Variants in ZHX2 observed in about 807,000 individuals in gnomAD.
The protein encoded by ZHX2 is zinc fingers and homeoboxes protein 2.
ZHX2 carries 6 observed loss-of-function variants against 21.9 expected under a neutral mutation model. The observed-to-expected ratio is 0.27, with a 90% CI of 0.15 to 0.54. The LOEUF (loss-of-function observed/expected upper bound fraction) is 0.54. ZHX2 is among the 20% of genes least tolerant of loss of function. ZHX2 has a pLI of 0.95. For synonymous variants in ZHX2, 434 were observed against 437.1 expected, an observed-to-expected ratio of 0.99 and a Z score of 0.09; for missense variants, 908 against 1,090.7, an observed-to-expected ratio of 0.83 and a Z score of 2.36.
rs202018625 is a variant in ZHX2, at chr8:122,882,302, AAC to A, written c.-220+18775_-220+18776del. On this transcript the variant is annotated intron_variant, in intron 2 of 3. Coordinates refer to ENST00000314393, the MANE Select transcript of ZHX2 (RefSeq NM_014943.5). ...TAGCCTCTACTTGCATTGTTCTTCA[AAC>A]ACACACACACAGAGAGAGAGAGAGA... Among the ~76,000 whole-genome samples, 544 of 150,864 alleles carry A rather than the reference AAC, an allele frequency of 3.6e-3. 2 individuals are homozygous for A. The highest frequency in any genetic ancestry group is 0.013 in the African/African-American group (517 of 40,688).
At chr8:122,856,862 C>A (rs566108230) in intron 1 of ZHX2, among the ~76,000 whole-genome samples, 2 of 152,132 alleles carry the variant, frequency 1.3e-5, no homozygotes, top group Non-Finnish European at 2.9e-5. Flanking sequence ...TTCCAGGAAC[C>A]GCAGACACAG....
intron 3 of ZHX2, among the ~76,000 whole-genome samples, chr8:122,955,677 C>T (rs1339399816): frequency 6.6e-6 from 1 of 152,016 alleles, no homozygotes; most frequent in South Asian, 2.1e-4. Flanking sequence ...GGTGTGGGCA[C>T]AACCCAAAGG....
intron 1 of ZHX2, among the ~76,000 whole-genome samples, chr8:122,822,645 C>G (rs549245514): frequency 1.3e-5 from 2 of 152,322 alleles, no homozygotes; most frequent in South Asian, 2.1e-4. Context: ...CATCTCCCCA[C>G]TCCTGGGAAG....
chr8:122,785,140 G>T (rs1388867105), intron 1 of ZHX2, among the ~76,000 whole-genome samples: 1 of 152,230 alleles, frequency 6.6e-6, no homozygotes, highest in Admixed American at 6.5e-5. Context: ...GCTCTGAGGG[G>T]ATCACAGAGG....
chr8:122,884,528 C>G (rs1331517878), intron 2 of ZHX2, among the ~76,000 whole-genome samples: 1 of 152,132 alleles, frequency 6.6e-6, no homozygotes, highest in East Asian at 1.9e-4. Context: ...GTCACAAATC[C>G]CCCCCACCAG....
intron 2 of ZHX2, among the ~76,000 whole-genome samples, chr8:122,879,216 G>C (rs1385542804): frequency 2.6e-5 from 4 of 152,084 alleles, no homozygotes; most frequent in Non-Finnish European, 4.4e-5. Flanking sequence ...TTTTGTTTTG[G>C]GTTTTTTTTG....
intron 2 of ZHX2, among the ~76,000 whole-genome samples, chr8:122,894,460 T>TA (rs1270396850): frequency 6.6e-6 from 1 of 152,158 alleles, no homozygotes; most frequent in Admixed American, 6.5e-5. Context: ...CTTTGTCATT[T>TA]AAAAAAATCC....
At chr8:122,836,787 G>C (rs1202035509) in intron 1 of ZHX2, among the ~76,000 whole-genome samples, 1 of 152,232 alleles carries the variant, frequency 6.6e-6, no homozygotes, top group Non-Finnish European at 1.5e-5. Flanking sequence ...GCTGGCGCAA[G>C]GCTTGCGCCT....
chr8:122,838,013 A>G (rs1044869600), intron 1 of ZHX2, among the ~76,000 whole-genome samples: 2 of 152,200 alleles, frequency 1.3e-5, no homozygotes, highest in Non-Finnish European at 2.9e-5. Flanking sequence ...GGAGGGTGGA[A>G]GAGCCCGTTG....
chr8:122,792,029 G>A (rs1373796), intron 1 of ZHX2, among the ~76,000 whole-genome samples: 147,794 of 152,326 alleles, frequency 0.97, 71,734 homozygotes, highest in Middle Eastern at 1. Flanking sequence ...GACTTTTAGT[G>A]TATTTACAAA....
intron 1 of ZHX2, among the ~76,000 whole-genome samples, chr8:122,792,033 T>G (rs1420076722): frequency 1.3e-5 from 2 of 152,184 alleles, no homozygotes; most frequent in Admixed American, 6.5e-5. Context: ...TTTAGTGTAT[T>G]TACAAAATTA....
chr8:122,963,064 T>C (rs1367644740), intron 3 of ZHX2, among the ~76,000 whole-genome samples: 2 of 152,252 alleles, frequency 1.3e-5, no homozygotes, highest in Admixed American at 6.5e-5. Context: ...TCTCCCACTC[T>C]GTGGGTTGTC....
Position 122,856,559 on chromosome 8 carries a change from G to A in ZHX2, c.-282-6918G>A, listed in dbSNP as rs564883862. On this transcript the variant is annotated intron_variant, in intron 1 of 3. Coordinates refer to ENST00000314393, the MANE Select transcript of ZHX2 (RefSeq NM_014943.5). ...ACTTTCATAGACTCCCAATCTTAAG[G>A]GAGCTGTGTATTTCTCTCAGAAACA... 6.6e-5 allele frequency among the ~76,000 whole-genome samples: 10 copies of A among 152,162 alleles called. 1 individual carries two copies. In the South Asian group the frequency reaches 1.9e-3, roughly 29 times the overall value.
At chr8:122,835,351 C>T (rs892332171) in intron 1 of ZHX2, among the ~76,000 whole-genome samples, 9 of 152,114 alleles carry the variant, frequency 5.9e-5, no homozygotes, top group African/African-American at 2.2e-4. Flanking sequence ...GAAGTGGTTT[C>T]TGCTGAGGGT....
Position 122,831,479 on chromosome 8 carries a change from C to T in ZHX2, c.-282-31998C>T, listed in dbSNP as rs142507270. Among the ~76,000 whole-genome samples the T allele has an allele frequency of 5.2e-3, 793 of 152,296 alleles. 5 individuals are homozygous for T. Among genetic ancestry groups the T allele is most frequent in the African/African-American group, 0.018 (740 of 41,552 alleles). Reference sequence around the variant, plus strand: ...GCTTTGAGAGTGAAGAAGAACGAAGCGCCCTTCTTTGACATACCATGGTCC... The same window carrying T: ...GCTTTGAGAGTGAAGAAGAACGAAGTGCCCTTCTTTGACATACCATGGTCC... On this transcript the variant is annotated intron_variant, in intron 1 of 3. Transcript: ENST00000314393.
At chr8:122,856,235 T>A (rs1819018949) in intron 1 of ZHX2, among the ~76,000 whole-genome samples, 1 of 152,194 alleles carries the variant, frequency 6.6e-6, no homozygotes, top group Non-Finnish European at 1.5e-5. Context: ...GAATATGCTA[T>A]CTCCCTATGC....
chr8:122,878,072 C>CTGTG (rs34978922), intron 2 of ZHX2, among the ~76,000 whole-genome samples: 10 of 150,616 alleles, frequency 6.6e-5, no homozygotes, highest in African/African-American at 1.5e-4. Flanking sequence ...GGTAAAAGTT[C>CTGTG]TGTGTGTGTG....
At chr8:122,822,745 G>A (rs17288045) in intron 1 of ZHX2, among the ~76,000 whole-genome samples, 44,911 of 152,118 alleles carry the variant, frequency 0.3, 7,791 homozygotes, top group Middle Eastern at 0.48. Flanking sequence ...TGGGAAGCCA[G>A]CGACATCACC....
At chr8:122,836,323 A>T (rs1312413028) in intron 1 of ZHX2, among the ~76,000 whole-genome samples, 1 of 152,116 alleles carries the variant, frequency 6.6e-6, no homozygotes, top group African/African-American at 2.4e-5. Flanking sequence ...TCAGTGACCG[A>T]TGTGCATGCA....
Sources: gnomAD v4.1 joint callset for allele counts (sites outside exome capture counted in the v4.1 genomes callset) on GRCh38, gnomAD v4.1.1 for gene constraint, MANE v1.5 for transcripts, NCBI Gene and HGNC (gene_info 2026-07-23, HGNC 2026-07-21) for gene names.